RIMS1: variants seen among roughly 807,000 people sequenced by gnomAD.
RIMS1 encodes the protein regulating synaptic membrane exocytosis protein 1.
Under a neutral mutation model 214.1 loss-of-function variants are expected in RIMS1, and 83 were observed. The observed-to-expected ratio is 0.39, with a 90% CI of 0.32 to 0.47. The LOEUF (loss-of-function observed/expected upper bound fraction) is 0.47. RIMS1 is among the 20% of genes least tolerant of loss of function. RIMS1 has a pLI of 0.99. For synonymous variants in RIMS1, 793 were observed against 786.8 expected (o/e 1.01, Z -0.13); for missense variants, 2,050 against 2,161.8 (o/e 0.95, Z 1.03).
chr6:72,361,760 A>C (rs1253660690), intron 29 of RIMS1, among the ~76,000 whole-genome samples: 1 of 152,186 alleles, frequency 6.6e-6, no homozygotes, highest in African/African-American at 2.4e-5. Flanking sequence ...AATGCTAATG[A>C]AGTCTTTCTC....
chr6:72,217,926 T>C (rs2154026770), intron 6 of RIMS1, among the ~76,000 whole-genome samples: 1 of 152,286 alleles, frequency 6.6e-6, no homozygotes, highest in Admixed American at 6.5e-5. Flanking sequence ...CTGGCCCTTG[T>C]TTCCCTTCTG....
At position 72,316,463 on chromosome 6, in the gene RIMS1, C is replaced by T. The variant is rs187537804; in HGVS notation, c.4130+2791C>T. On this transcript the variant is annotated intron_variant, in intron 28 of 33. Coordinates refer to ENST00000521978, the MANE Select transcript of RIMS1 (RefSeq NM_014989.7). ...ACGCGTGGGGTAGTCCAATAAATAC[C>T]GTGGATGCTCAGCAAGGCTGCTACC... 188 of 331,320 alleles carry T rather than the reference C, an allele frequency of 5.7e-4. 1 individual carries two copies. In the Middle Eastern group the frequency reaches 6.5e-3, roughly 11 times the overall value. The allele number at this position is 331,320 out of a possible 1,614,324, so 20.5% of individuals were successfully genotyped here.
At chr6:71,940,403 A>G (rs1229785602) in intron 1 of RIMS1, among the ~76,000 whole-genome samples, 2 of 152,204 alleles carry the variant, frequency 1.3e-5, no homozygotes, top group Admixed American at 1.3e-4. Flanking sequence ...ATATTACTAT[A>G]TCAATATGGT....
At chr6:72,324,278 G>A (rs984875337) in intron 28 of RIMS1, among the ~76,000 whole-genome samples, 1 of 151,956 alleles carries the variant, frequency 6.6e-6, no homozygotes, top group African/African-American at 2.4e-5. Flanking sequence ...TAAAATACCT[G>A]AGTGAAAGGT....
chr6:72,241,449 A>G lies in RIMS1; in HGVS notation c.1958-865A>G, dbSNP rs990041616. Reference sequence around the variant, plus strand: ...ACTTCTTAAATATTTATGAAAATAAATACTTTTTTTCACGTGACCTATGGT... The same window carrying G: ...ACTTCTTAAATATTTATGAAAATAAGTACTTTTTTTCACGTGACCTATGGT... On this transcript the variant is annotated intron_variant, in intron 9 of 33. Coordinates refer to ENST00000521978, the MANE Select transcript of RIMS1 (RefSeq NM_014989.7). 3.3e-5 allele frequency among the ~76,000 whole-genome samples: 5 copies of G among 152,314 alleles called. No homozygotes were observed. In the East Asian group the frequency reaches 5.8e-4, roughly 18 times the overall value.
chr6:72,106,967 A>G (rs1056153249), intron 4 of RIMS1, among the ~76,000 whole-genome samples: 1 of 152,072 alleles, frequency 6.6e-6, no homozygotes, highest in African/African-American at 2.4e-5. Context: ...ATACTTTCAT[A>G]CCTATTTTCA....
At chr6:72,295,566 C>T (rs1040726693) in intron 26 of RIMS1, among the ~76,000 whole-genome samples, 1 of 151,130 alleles carries the variant, frequency 6.6e-6, no homozygotes, top group African/African-American at 2.4e-5. Context: ...CTTTTAAATG[C>T]TTTTCCAAAA....
intron 29 of RIMS1, among the ~76,000 whole-genome samples, chr6:72,375,044 G>A (rs974701208): frequency 2.6e-5 from 4 of 152,154 alleles, no homozygotes; most frequent in Admixed American, 6.5e-5. Flanking sequence ...GCAAACAATG[G>A]GGAGCAGCTG....
chr6:72,307,252 T>C lies in RIMS1; in HGVS notation c.3851-6T>C. The stretch of plus-strand genomic sequence containing the variant: ...TTTAATAGGCTTCCATTATGTGTTT[T>C]TGCAGCAAGCTTAGTAGTGGAGGAG... On this transcript the variant is annotated splice_polypyrimidine_tract_variant and splice_region_variant and intron_variant, in intron 26 of 33. Transcript: ENST00000521978. 1 of 1,582,262 alleles carries C rather than the reference T, an allele frequency of 6.3e-7. No individual in the cohort carries two copies. The highest frequency in any genetic ancestry group is 1.2e-5 in the South Asian group (1 of 86,450).
intron 2 of RIMS1, among the ~76,000 whole-genome samples, chr6:71,992,460 TTC>T (rs1044625333): frequency 4.7e-5 from 7 of 147,752 alleles, no homozygotes; most frequent in Non-Finnish European, 1.1e-4. Flanking sequence ...CTCTTTCTCT[TTC>T]TTTCTCCTTT....
rs533325623 is a variant in RIMS1 at position 72,258,404 on chromosome 6, T to C, written c.2927+123T>C. On this transcript the variant is annotated intron_variant, in intron 17 of 33. Transcript: ENST00000521978. The stretch of plus-strand genomic sequence containing the variant: ...GTCAAATTATTTTTTTCAGAATTAA[T>C]TGTAGGCAAAATTTTTTTTATTCTT... The C allele has an allele frequency of 4.6e-6, 5 of 1,091,082 alleles. No individual in the cohort carries two copies. In the African/African-American group the frequency reaches 7.9e-5, roughly 17 times the overall value. 67.6% of individuals were successfully genotyped at this position (1,091,082 alleles called of 1,614,324 possible).
At chr6:72,194,894 C>T (rs973927746) in intron 6 of RIMS1, among the ~76,000 whole-genome samples, 3 of 152,074 alleles carry the variant, frequency 2.0e-5, no homozygotes, top group Non-Finnish European at 4.4e-5. Flanking sequence ...CATCTCTTGT[C>T]TTTTAGCTTA....
chr6:71,887,328 C>G, intron 1 of RIMS1, 141 bp downstream of exon 1: 1 of 1,090,768 alleles, frequency 9.2e-7, no homozygotes, highest in Non-Finnish European at 1.3e-6. Flanking sequence ...CGCCTTGGGC[C>G]AGGGGCGCGG....
At chr6:72,054,107 G>A (rs566846818) in intron 2 of RIMS1, among the ~76,000 whole-genome samples, 2 of 151,520 alleles carry the variant, frequency 1.3e-5, no homozygotes, top group Non-Finnish European at 2.9e-5. Context: ...GCCCTGGTAT[G>A]TGTTGTTCCC....
intron 18 of RIMS1, among the ~76,000 whole-genome samples, chr6:72,260,189 A>G (rs1300826384): frequency 1.3e-5 from 2 of 152,164 alleles, no homozygotes; most frequent in Non-Finnish European, 2.9e-5. Context: ...ATTTGGATAT[A>G]GATAAAGTAT....
At chr6:71,996,771 A>T (rs1206195116) in intron 2 of RIMS1, among the ~76,000 whole-genome samples, 1 of 152,190 alleles carries the variant, frequency 6.6e-6, no homozygotes, top group Non-Finnish European at 1.5e-5. Flanking sequence ...ACAACCTTGG[A>T]GATCCATCAT....
chr6:72,177,449 A>G lies in RIMS1; in HGVS notation c.472-2126A>G, dbSNP rs372707567. 4.6e-5 allele frequency among the ~76,000 whole-genome samples: 7 copies of G among 152,074 alleles called. No individual in the cohort carries two copies. In the East Asian group the frequency reaches 7.7e-4, roughly 17 times the overall value. The stretch of plus-strand genomic sequence containing the variant: ...GTATTTTTAGTAGAGACGGGATTTC[A>G]CCATGTTGGCCTGACTGATCTCGAA... On this transcript the variant is annotated intron_variant, in intron 4 of 33. Coordinates refer to ENST00000521978, the MANE Select transcript of RIMS1 (RefSeq NM_014989.7).
chr6:72,322,023 A>C (rs1288673023), intron 28 of RIMS1, among the ~76,000 whole-genome samples: 1 of 152,264 alleles, frequency 6.6e-6, no homozygotes, highest in African/African-American at 2.4e-5. Flanking sequence ...CCACATCTGT[A>C]AATAATAAGC....
intron 4 of RIMS1, among the ~76,000 whole-genome samples, chr6:72,121,005 G>T (rs1417674411): frequency 6.6e-6 from 1 of 151,732 alleles, no homozygotes; most frequent in Non-Finnish European, 1.5e-5. Context: ...CTGTTCCATT[G>T]GTCTATATCT....
Sources: gnomAD v4.1 joint callset for allele counts (sites outside exome capture counted in the v4.1 genomes callset) on GRCh38, gnomAD v4.1.1 for gene constraint, MANE v1.5 for transcripts, NCBI Gene and HGNC (gene_info 2026-07-23, HGNC 2026-07-21) for gene names.